THADA: variants seen among roughly 807,000 people sequenced by gnomAD.
The protein encoded by THADA is tRNA (32-2'-O)-methyltransferase regulator THADA.
Under a neutral mutation model 219.8 loss-of-function variants are expected in THADA, and 213 were observed. The ratio of observed to expected loss-of-function variants is 0.97; its 90% CI spans 0.87 to 1.09. The LOEUF is 1.09. THADA is among the 50% of genes least tolerant of loss of function. The pLI, the probability that THADA is intolerant of heterozygous loss-of-function variation, is 0.00. For missense variants in THADA, 2,956 were observed against 2,311.3 expected, an observed-to-expected ratio of 1.28 and a Z score of -5.72; for synonymous variants, 1,018 against 828.9, an observed-to-expected ratio of 1.23 and a Z score of -3.92.
intron 31 of THADA, among the ~76,000 whole-genome samples, chr2:43,302,076 C>G (rs1676329795): frequency 6.6e-6 from 1 of 151,908 alleles, no homozygotes; most frequent in South Asian, 2.1e-4. Context: ...TGGTTTATCA[C>G]AAGCTGATCT....
rs560167513 is a variant in THADA, at chr2:43,270,990, C to A, written c.5296+8775G>T. Among the ~76,000 whole-genome samples, 161 of 152,330 alleles carry A rather than the reference C, an allele frequency of 1.1e-3. 1 individual carries two copies. Among genetic ancestry groups the A allele is most frequent in the African/African-American group, 3.5e-3 (146 of 41,568 alleles). ...TGAGGTTCTCCTTCCCCTGTCCCCC[C>A]ACTGGCCTGCTCAGAGTGGGAAAGA... On this transcript the variant is annotated intron_variant, in intron 36 of 37. Transcript: ENST00000405975.
Position 43,592,313 on chromosome 2 carries a change from C to G in THADA, c.76+4G>C, listed in dbSNP as rs1574407053. The stretch of plus-strand genomic sequence containing the variant: ...TATAATAAGGGAAACCAGAAGTCAC[C>G]TACATTTCAAAGTTTCAAGGTCCTG... On this transcript the variant is annotated splice_donor_region_variant and intron_variant, in intron 2 of 37. Transcript: ENST00000405975. 6.3e-7 allele frequency: 1 copy of G among 1,597,688 alleles called. No homozygotes were observed. Among genetic ancestry groups the G allele is most frequent in the Non-Finnish European group, 8.5e-7 (1 of 1,172,464 alleles).
chr2:43,551,945 G>A lies in THADA; in HGVS notation c.2811-20C>T, dbSNP rs779035941. On this transcript the variant is annotated intron_variant, in intron 18 of 37. Coordinates refer to ENST00000405975, the MANE Select transcript of THADA (RefSeq NM_022065.5). ...AGGCTGCTGCAACAAGGACATTAGG[G>A]AAATTTATACTAAAAGCAAAAATCA... 13 of 1,590,998 alleles carry A rather than the reference G, an allele frequency of 8.2e-6. No individual in the cohort carries two copies. The South Asian group carries it at 1.5e-4, about 18-fold the overall frequency.
At chr2:43,395,158 T>C (rs980677518) in intron 29 of THADA, among the ~76,000 whole-genome samples, 1 of 152,204 alleles carries the variant, frequency 6.6e-6, no homozygotes, top group Non-Finnish European at 1.5e-5. Flanking sequence ...CCAACCAAAC[T>C]ACTTGGATAA....
chr2:43,236,642 A>C (rs956527089), intron 36 of THADA, among the ~76,000 whole-genome samples: 20 of 152,220 alleles, frequency 1.3e-4, no homozygotes, highest in African/African-American at 4.8e-4. Flanking sequence ...GGATCACTTG[A>C]GACAAGACCG....
At chr2:43,435,931 T>C (rs192717564) in intron 26 of THADA, among the ~76,000 whole-genome samples, 1 of 152,138 alleles carries the variant, frequency 6.6e-6, no homozygotes, top group Non-Finnish European at 1.5e-5. Context: ...CCAGGCAGCC[T>C]AGTTAGTACA....
chr2:43,295,542 C>A (rs950450935), intron 31 of THADA, among the ~76,000 whole-genome samples: 3 of 152,224 alleles, frequency 2.0e-5, no homozygotes, highest in Admixed American at 6.5e-5. Context: ...TAAATCCTGA[C>A]AACTGTACCC....
intron 37 of THADA, 97 bp downstream of exon 37, chr2:43,232,615 TA>T: frequency 7.5e-7 from 1 of 1,330,704 alleles, no homozygotes; most frequent in Non-Finnish European, 1.0e-6. Context: ...GCTCTGTGTC[TA>T]AGCATGCAAA....
chr2:43,427,829 G>T (rs1678675665), intron 28 of THADA, among the ~76,000 whole-genome samples: 1 of 149,338 alleles, frequency 6.7e-6, no homozygotes. Flanking sequence ...GGTGGCGGGT[G>T]CCTGTAGCCC....
intron 36 of THADA, among the ~76,000 whole-genome samples, chr2:43,243,981 C>T (rs1668874613): frequency 6.6e-6 from 1 of 152,038 alleles, no homozygotes; most frequent in African/African-American, 2.4e-5. Context: ...CCTAGCAAAT[C>T]CTTTGTTTTC....
At chr2:43,338,546 T>A (rs957155693) in intron 30 of THADA, among the ~76,000 whole-genome samples, 3 of 152,194 alleles carry the variant, frequency 2.0e-5, no homozygotes, top group Non-Finnish European at 2.9e-5. Flanking sequence ...TGGCAACCAC[T>A]ATTCTACTTT....
chr2:43,245,527 C>T (rs1473533561), intron 36 of THADA, among the ~76,000 whole-genome samples: 1 of 152,196 alleles, frequency 6.6e-6, no homozygotes, highest in Non-Finnish European at 1.5e-5. Flanking sequence ...CTAAGACTTA[C>T]TGGTTCCTTC....
chr2:43,534,828 T>C (rs1352679372), intron 21 of THADA, among the ~76,000 whole-genome samples: 2 of 152,168 alleles, frequency 1.3e-5, no homozygotes, highest in Non-Finnish European at 2.9e-5. Context: ...ATCTCTTCAA[T>C]ATACTGATTT....
chr2:43,321,642 C>A (rs1678727209), intron 30 of THADA, among the ~76,000 whole-genome samples: 1 of 152,186 alleles, frequency 6.6e-6, no homozygotes. Flanking sequence ...TGGGATGACC[C>A]TCACCAGATG....
At chr2:43,402,535 A>C (rs774788509) in intron 28 of THADA, among the ~76,000 whole-genome samples, 1 of 152,038 alleles carries the variant, frequency 6.6e-6, no homozygotes, top group Non-Finnish European at 1.5e-5. Context: ...TCTCATATCT[A>C]CTCTCACAAT....
At chr2:43,475,181 C>T (rs892985595) in intron 26 of THADA, among the ~76,000 whole-genome samples, 11 of 152,112 alleles carry the variant, frequency 7.2e-5, no homozygotes, top group Non-Finnish European at 1.3e-4. Context: ...CTTTGGGAGG[C>T]TGAGGTGGGT....
chr2:43,393,618 G>C (rs1011278540), intron 29 of THADA, among the ~76,000 whole-genome samples: 7 of 151,378 alleles, frequency 4.6e-5, no homozygotes, highest in Admixed American at 4.6e-4. Context: ...TAAGGCAGGA[G>C]AATTGCTTAA....
At chr2:43,309,552 ATCATC>A (rs1467203846) in intron 31 of THADA, among the ~76,000 whole-genome samples, 1 of 152,256 alleles carries the variant, frequency 6.6e-6, no homozygotes, top group Non-Finnish European at 1.5e-5. Context: ...AAATTACAAT[ATCATC>A]TCAACAGGCA....
intron 37 of THADA, 44 bp from the exon 38 acceptor site, chr2:43,231,387 GTGA>G: frequency 3.4e-6 from 5 of 1,471,486 alleles, no homozygotes; most frequent in Non-Finnish European, 4.5e-6. Flanking sequence ...ACAGGGAATG[GTGA>G]CAAGCCCCAG....
Sources: gnomAD v4.1 joint callset for allele counts (sites outside exome capture counted in the v4.1 genomes callset) on GRCh38, gnomAD v4.1.1 for gene constraint, MANE v1.5 for transcripts, NCBI Gene and HGNC (gene_info 2026-07-23, HGNC 2026-07-21) for gene names.